Variants in CDH13 observed in about 807,000 individuals in gnomAD.
CDH13 encodes the protein cadherin 13.
A neutral mutation model predicts 63.8 loss-of-function variants in CDH13; 24 were observed. The ratio of observed to expected loss-of-function variants is 0.38; its 90% CI spans 0.27 to 0.53. CDH13 has a LOEUF of 0.53. CDH13 is among the 20% of genes least tolerant of loss of function. CDH13 has a pLI of 0.85. For synonymous variants in CDH13, 503 were observed against 355.3 expected (o/e 1.42, Z -4.67); for missense variants, 1,049 against 903.1 (o/e 1.16, Z -2.07).
chr16:83,374,288 A>G (rs948403618), intron 6 of CDH13, among the ~76,000 whole-genome samples: 4 of 152,194 alleles, frequency 2.6e-5, no homozygotes, highest in Non-Finnish European at 4.4e-5. Context: ...TCTTGCATCC[A>G]TTTAACTATT....
At chr16:82,688,014 C>A (rs1000137682) in intron 1 of CDH13, among the ~76,000 whole-genome samples, 15 of 152,144 alleles carry the variant, frequency 9.9e-5, no homozygotes, top group African/African-American at 3.6e-4. Flanking sequence ...TGTAGGCCCT[C>A]AGTGATCACA....
intron 5 of CDH13, among the ~76,000 whole-genome samples, chr16:83,232,002 G>C (rs2040009351): frequency 6.6e-6 from 1 of 151,940 alleles, no homozygotes; most frequent in African/African-American, 2.4e-5. Context: ...TAACTTATAA[G>C]TGGGAGCTAA....
intron 4 of CDH13, among the ~76,000 whole-genome samples, chr16:83,162,102 C>G (rs2037471832): frequency 6.6e-6 from 1 of 152,228 alleles, no homozygotes; most frequent in Non-Finnish European, 1.5e-5. Context: ...TGAACTGCTT[C>G]TCAGACGTGG....
Position 83,570,869 on chromosome 16 carries a change from T to C in CDH13, c.961-31585T>C, listed in dbSNP as rs944304388. Among the ~76,000 whole-genome samples the C allele has an allele frequency of 1.1e-4, 16 of 140,040 alleles. No homozygotes were observed. The East Asian group carries it at 3.0e-3, about 26-fold the overall frequency. 91.9% of individuals were successfully genotyped at this position (140,040 alleles called of 152,430 possible). ...ATATATATAAATATAAATATATTTA[T>C]ATATTTATATTTATAAATGAAACTG... On this transcript the variant is annotated intron_variant, in intron 7 of 13. Transcript: ENST00000567109.
chr16:82,746,895 T>G (rs1410732585), intron 1 of CDH13, among the ~76,000 whole-genome samples: 1 of 152,190 alleles, frequency 6.6e-6, no homozygotes, highest in African/African-American at 2.4e-5. Flanking sequence ...AAACAATTGT[T>G]AAGGACCTGA....
intron 1 of CDH13, among the ~76,000 whole-genome samples, chr16:82,667,751 C>T (rs1298234569): frequency 6.6e-6 from 1 of 152,058 alleles, no homozygotes; most frequent in African/African-American, 2.4e-5. Context: ...CCGCCTCTCC[C>T]CTTCTGAGCC....
intron 2 of CDH13, among the ~76,000 whole-genome samples, chr16:82,882,876 A>G (rs571946522): frequency 1.3e-5 from 2 of 152,302 alleles, no homozygotes; most frequent in African/African-American, 2.4e-5. Flanking sequence ...AAAAAAGGAT[A>G]CTATGATTTT....
In CDH13 at chr16:83,389,709, A is replaced by C. The variant is rs1038336311; in HGVS notation, c.781+44703A>C. ...GTTTATTCTCTTTAATGCATTTTCC[A>C]AGACTCCCCTCAAACTCCAATGAAT... On this transcript the variant is annotated intron_variant, in intron 6 of 13. Transcript: ENST00000567109. Among the ~76,000 whole-genome samples the C allele has an allele frequency of 5.9e-5, 9 of 152,178 alleles. No homozygotes were observed. The East Asian group carries it at 1.7e-3, about 29-fold the overall frequency.
At position 83,629,482 on chromosome 16, in the gene CDH13, G is replaced by C. The variant is rs189115515; in HGVS notation, c.1101+26888G>C. ...TAGGATCATAATTTTAAAAACCCAG[G>C]GTTCTCCAAGGGCTTCAGCAGCATG... On this transcript the variant is annotated intron_variant, in intron 8 of 13. Coordinates refer to ENST00000567109, the MANE Select transcript of CDH13 (RefSeq NM_001257.5). Among the ~76,000 whole-genome samples the C allele has an allele frequency of 3.4e-4, 51 of 152,128 alleles. 1 individual carries two copies. Among genetic ancestry groups the C allele is most frequent in the Middle Eastern group, 3.4e-3 (1 of 294 alleles).
chr16:83,363,276 C>T (rs1453971050), intron 6 of CDH13, among the ~76,000 whole-genome samples: 1 of 152,180 alleles, frequency 6.6e-6, no homozygotes, highest in African/African-American at 2.4e-5. Flanking sequence ...GTTGGCATCT[C>T]TGTGAGTCTT....
At chr16:83,116,785 A>C (rs146582152) in intron 3 of CDH13, among the ~76,000 whole-genome samples, 3 of 152,190 alleles carry the variant, frequency 2.0e-5, no homozygotes, top group African/African-American at 7.2e-5. Flanking sequence ...ATTATACCTC[A>C]ATAATACTTT....
At chr16:82,840,605 A>G (rs2038966362) in intron 1 of CDH13, among the ~76,000 whole-genome samples, 2 of 150,636 alleles carry the variant, frequency 1.3e-5, no homozygotes. Context: ...GAATCGCTTA[A>G]ACTAGGGAGG....
At chr16:83,650,569 C>T (rs189390481) in intron 8 of CDH13, among the ~76,000 whole-genome samples, 1 of 152,274 alleles carries the variant, frequency 6.6e-6, no homozygotes, top group Admixed American at 6.5e-5. Flanking sequence ...CCCGCTGGGA[C>T]ACCCAACAAT....
chr16:82,701,372 A>G (rs555365209), intron 1 of CDH13, among the ~76,000 whole-genome samples: 25 of 152,112 alleles, frequency 1.6e-4, no homozygotes, highest in Non-Finnish European at 3.5e-4. Context: ...GATTACTAAG[A>G]CTTTTAACAT....
intron 3 of CDH13, among the ~76,000 whole-genome samples, chr16:83,064,273 A>C (rs781545923): frequency 6.6e-6 from 1 of 152,068 alleles, no homozygotes; most frequent in Non-Finnish European, 1.5e-5. Context: ...AGAGGCTGAG[A>C]TAGGAAAATC....
chr16:82,719,802 C>A (rs997532283), intron 1 of CDH13, among the ~76,000 whole-genome samples: 5 of 145,540 alleles, frequency 3.4e-5, no homozygotes, highest in African/African-American at 1.3e-4. Context: ...GCCAAGATCA[C>A]GCCACTGCAC....
rs141915833 is a variant in CDH13, at chr16:82,799,222, A to T, written c.46-59140A>T. Reference sequence around the variant, plus strand: ...TAGATAGTGATCAAAGAAAAGTCTAATACATGTTATTTTTTGTTGTACAGT... The same window carrying T: ...TAGATAGTGATCAAAGAAAAGTCTATTACATGTTATTTTTTGTTGTACAGT... On this transcript the variant is annotated intron_variant, in intron 1 of 13. Transcript: ENST00000567109. 2.6e-5 allele frequency among the ~76,000 whole-genome samples: 4 copies of T among 152,324 alleles called. No individual in the cohort carries two copies. In the East Asian group the frequency reaches 5.8e-4, roughly 22 times the overall value.
intron 4 of CDH13, among the ~76,000 whole-genome samples, chr16:83,128,414 C>T (rs933188835): frequency 6.6e-6 from 1 of 152,210 alleles, no homozygotes; most frequent in East Asian, 1.9e-4. Flanking sequence ...TTTTACACAG[C>T]TTCTAGGTGA....
chr16:83,500,020 C>G (rs1167347338), intron 7 of CDH13, among the ~76,000 whole-genome samples: 1 of 151,954 alleles, frequency 6.6e-6, no homozygotes, highest in Non-Finnish European at 1.5e-5. Context: ...CCAGGCTGGT[C>G]TTGAACTCAT....
Sources: allele counts gnomAD v4.1 joint callset (sites outside exome capture counted in the v4.1 genomes callset), GRCh38; gene constraint gnomAD v4.1.1; transcripts MANE v1.5; gene names NCBI Gene and HGNC (gene_info 2026-07-23, HGNC 2026-07-21).